LARGE1: variants seen among roughly 807,000 people sequenced by gnomAD.
LARGE1 encodes the protein xylosyl- and glucuronyltransferase LARGE1.
A neutral mutation model predicts 87.6 loss-of-function variants in LARGE1; 43 were observed. The ratio of observed to expected loss-of-function variants is 0.49; its 90% CI spans 0.38 to 0.63. LARGE1 has a LOEUF of 0.63. LARGE1 is among the 30% of genes least tolerant of loss of function. The pLI is 0.00. For missense variants in LARGE1, 802 were observed against 1,000.2 expected, an observed-to-expected ratio of 0.80 and a Z score of 2.67; for synonymous variants, 434 against 394.6, an observed-to-expected ratio of 1.10 and a Z score of -1.18.
intron 2 of LARGE1, among the ~76,000 whole-genome samples, chr22:33,693,595 C>A (rs1178439860): frequency 6.6e-6 from 1 of 152,032 alleles, no homozygotes; most frequent in Admixed American, 6.5e-5. Flanking sequence ...GAGGCCGAGG[C>A]GGGCGGATCA....
chr22:33,650,302 T>C (rs891689207), intron 3 of LARGE1, 65 bp downstream of exon 3: 15 of 1,595,252 alleles, frequency 9.4e-6, no homozygotes, highest in Non-Finnish European at 1.3e-5. Context: ...CAGGAGGCAT[T>C]TGCAAGGGGT....
chr22:33,191,866 A>T (rs1923798432), intron 11 of LARGE1, among the ~76,000 whole-genome samples: 1 of 152,254 alleles, frequency 6.6e-6, no homozygotes, highest in African/African-American at 2.4e-5. Context: ...TGATGTGTTC[A>T]CTAAGCACAT....
chr22:33,198,824 C>T (rs528645398), intron 11 of LARGE1, among the ~76,000 whole-genome samples: 1 of 152,262 alleles, frequency 6.6e-6, no homozygotes, highest in African/African-American at 2.4e-5. Context: ...GTGCCAGTCT[C>T]TTTTTGATAT....
chr22:33,570,838 C>T (rs1300572943), intron 5 of LARGE1, among the ~76,000 whole-genome samples: 2 of 151,940 alleles, frequency 1.3e-5, no homozygotes, highest in Non-Finnish European at 1.5e-5. Flanking sequence ...AATCTCATTT[C>T]CATGCCGCAA....
chr22:33,357,464 T>C (rs537967178), intron 9 of LARGE1, among the ~76,000 whole-genome samples: 6 of 152,150 alleles, frequency 3.9e-5, no homozygotes, highest in Non-Finnish European at 2.9e-5. Flanking sequence ...ATGTAATATA[T>C]CCATGTAACA....
At chr22:33,420,870 C>T (rs2147571560) in intron 7 of LARGE1, among the ~76,000 whole-genome samples, 1 of 152,278 alleles carries the variant, frequency 6.6e-6, no homozygotes, top group African/African-American at 2.4e-5. Flanking sequence ...ATCCTCTTTC[C>T]CCATTTACGT....
At chr22:33,141,224 C>T in the LARGE1 span, among the ~76,000 whole-genome samples, 6 of 148,098 alleles carry the variant, frequency 4.1e-5, no homozygotes, top group South Asian at 1.3e-3. Context: ...ACACACACAC[C>T]ACTTTGAAAT....
intron 2 of LARGE1, 144 bp downstream of exon 2, chr22:33,761,226 AC>A: frequency 1.3e-6 from 1 of 790,160 alleles, no homozygotes; most frequent in Non-Finnish European, 2.3e-6. Flanking sequence ...GCTGCCAACT[AC>A]CTGTGTGATT....
intron 6 of LARGE1, among the ~76,000 whole-genome samples, chr22:33,509,819 A>G (rs569592539): frequency 6.6e-6 from 1 of 152,280 alleles, no homozygotes; most frequent in South Asian, 2.1e-4. Flanking sequence ...GCAATTTAAA[A>G]TCTCTCTCGT....
intron 3 of LARGE1, among the ~76,000 whole-genome samples, chr22:33,633,531 C>T (rs1482131117): frequency 6.6e-6 from 1 of 152,198 alleles, no homozygotes. Context: ...TCACACCAAA[C>T]TAAGGGATGC....
intron 1 of LARGE1, among the ~76,000 whole-genome samples, chr22:33,844,997 C>G (rs2063389215): frequency 6.6e-6 from 1 of 151,856 alleles, no homozygotes; most frequent in Admixed American, 6.6e-5. Context: ...GGATTACAGA[C>G]GTGAGCTACC....
Position 33,623,250 on chromosome 22 carries a change from G to A in LARGE1, c.491+2994C>T, listed in dbSNP as rs1165746461. The stretch of plus-strand genomic sequence containing the variant: ...TCATTCAATGCTTAGTGTACAAAAT[G>A]CCTGGTTTTAAGCCACAGGATGAAG... On this transcript the variant is annotated intron_variant, in intron 4 of 14. Coordinates refer to ENST00000397394, the MANE Select transcript of LARGE1 (RefSeq NM_133642.5). 7.9e-5 allele frequency among the ~76,000 whole-genome samples: 12 copies of A among 151,338 alleles called. 1 individual carries two copies.
At chr22:33,362,243 G>A (rs1601588717) in intron 9 of LARGE1, among the ~76,000 whole-genome samples, 3 of 149,242 alleles carry the variant, frequency 2.0e-5, no homozygotes, top group African/African-American at 4.9e-5. Flanking sequence ...CAAAGACTGA[G>A]GTAAAGTCAA....
intron 13 of LARGE1, among the ~76,000 whole-genome samples, chr22:33,279,840 C>T (rs1042468472): frequency 3.3e-5 from 5 of 152,224 alleles, no homozygotes; most frequent in Non-Finnish European, 5.9e-5. Flanking sequence ...AGAACTGGCA[C>T]AGCACAGCTG....
At chr22:33,174,164 A>G (rs534274974) in intron 11 of LARGE1, among the ~76,000 whole-genome samples, 7 of 152,352 alleles carry the variant, frequency 4.6e-5, no homozygotes, top group Non-Finnish European at 8.8e-5. Context: ...GTGCAATCAA[A>G]TTAGAACTCA....
intron 12 of LARGE1, among the ~76,000 whole-genome samples, chr22:33,295,547 C>G (rs778613025): frequency 6.6e-6 from 1 of 152,216 alleles, no homozygotes; most frequent in African/African-American, 2.4e-5. Context: ...GGTGACAATA[C>G]GTGGGCAGAG....
At chr22:33,862,688 G>A (rs766456566) in intron 1 of LARGE1, among the ~76,000 whole-genome samples, 1 of 152,178 alleles carries the variant, frequency 6.6e-6, no homozygotes, top group South Asian at 2.1e-4. Flanking sequence ...GCTCTGTCAC[G>A]TGTCCTCGGG....
At chr22:33,517,177 C>T (rs1168660675) in intron 6 of LARGE1, among the ~76,000 whole-genome samples, 1 of 152,090 alleles carries the variant, frequency 6.6e-6, no homozygotes, top group African/African-American at 2.4e-5. Context: ...AGCTATACAC[C>T]TGAGCCACTA....
chr22:33,507,727 C>T (rs1294438673), intron 6 of LARGE1, among the ~76,000 whole-genome samples: 1 of 152,136 alleles, frequency 6.6e-6, no homozygotes, highest in East Asian at 1.9e-4. Flanking sequence ...AGGTATATTT[C>T]ACCATAATAA....
Sources: allele counts gnomAD v4.1 joint callset (sites outside exome capture counted in the v4.1 genomes callset), GRCh38; gene constraint gnomAD v4.1.1; transcripts MANE v1.5; gene names NCBI Gene and HGNC (gene_info 2026-07-23, HGNC 2026-07-21).